The following RBFOX1 variants were observed in gnomAD, a reference collection of about 807,000 sequenced individuals.
RBFOX1 encodes RNA binding fox-1 homolog 1.
A neutral mutation model predicts 57.7 loss-of-function variants in RBFOX1; 8 were observed. The observed-to-expected ratio is 0.14, with a 90% CI of 0.08 to 0.25. RBFOX1 has a LOEUF of 0.25. Among genes scored for constraint, RBFOX1 ranks in the 10% least tolerant of loss-of-function variants. The pLI is 1.00. For missense variants in RBFOX1, 611 were observed against 548.5 expected (o/e 1.11, Z -1.14); for synonymous variants, 326 against 222.4 (o/e 1.47, Z -4.15).
At chr16:6,706,353 A>G (rs1423895414) in intron 3 of RBFOX1, among the ~76,000 whole-genome samples, 1 of 152,174 alleles carries the variant, frequency 6.6e-6, no homozygotes, top group Admixed American at 6.6e-5. Context: ...AATGTGCAAA[A>G]CTGTTATGCA....
At chr16:5,427,951 C>T (rs148943280) in intron 1 of RBFOX1, among the ~76,000 whole-genome samples, 171 of 152,304 alleles carry the variant, frequency 1.1e-3, no homozygotes, top group East Asian at 7.0e-3. Flanking sequence ...AGTCAGCACC[C>T]GCTGGAAACT....
chr16:7,188,922 T>G (rs75688753), intron 4 of RBFOX1, among the ~76,000 whole-genome samples: 1 of 152,070 alleles, frequency 6.6e-6, no homozygotes, highest in African/African-American at 2.4e-5. Flanking sequence ...GGAAAGTTCT[T>G]TGACACCATG....
intron 4 of RBFOX1, among the ~76,000 whole-genome samples, chr16:5,972,767 C>G (rs729532): frequency 0.4 from 60,482 of 152,034 alleles, 12,437 homozygotes; most frequent in African/African-American, 0.51. Flanking sequence ...CCTCTCCACT[C>G]CAGAGAATCT....
At chr16:6,874,433 C>G (rs575200954) in intron 3 of RBFOX1, among the ~76,000 whole-genome samples, 2 of 143,690 alleles carry the variant, frequency 1.4e-5, no homozygotes, top group Admixed American at 1.5e-4. Context: ...CTGCTTGAAT[C>G]CAGGAGATGG....
At chr16:7,115,228 A>G (rs1360042465) in intron 4 of RBFOX1, among the ~76,000 whole-genome samples, 1 of 152,196 alleles carries the variant, frequency 6.6e-6, no homozygotes, top group African/African-American at 2.4e-5. Flanking sequence ...TAAGGGGTGG[A>G]CATTCCCATG....
At chr16:7,174,956 T>C (rs2081368270) in intron 4 of RBFOX1, among the ~76,000 whole-genome samples, 1 of 152,252 alleles carries the variant, frequency 6.6e-6, no homozygotes, top group Non-Finnish European at 1.5e-5. Context: ...TATGTGGTGA[T>C]ATCTCATCAT....
intron 3 of RBFOX1, among the ~76,000 whole-genome samples, chr16:6,994,703 C>G (rs73534910): frequency 5.1e-4 from 78 of 152,306 alleles, no homozygotes; most frequent in African/African-American, 1.8e-3. Context: ...TGGTTGTATT[C>G]TGAAAGTCCT....
intron 2 of RBFOX1, among the ~76,000 whole-genome samples, chr16:6,368,456 C>T (rs1028355255): frequency 3.3e-5 from 5 of 152,186 alleles, no homozygotes; most frequent in East Asian, 3.8e-4. Context: ...TTACACGGAT[C>T]GTGCTGGTTC....
chr16:7,078,784 G>A (rs1057432115), intron 4 of RBFOX1, among the ~76,000 whole-genome samples: 3 of 145,602 alleles, frequency 2.1e-5, no homozygotes, highest in Admixed American at 6.9e-5. Context: ...CCGAGTTCAA[G>A]CGATTCTCCT....
At chr16:6,179,682 C>A (rs548560671) in intron 1 of RBFOX1, among the ~76,000 whole-genome samples, 2 of 152,160 alleles carry the variant, frequency 1.3e-5, no homozygotes, top group African/African-American at 2.4e-5. Flanking sequence ...CTTTCCCCAC[C>A]CTTTCCTATT....
chr16:6,143,710 A>G (rs1158730745), intron 1 of RBFOX1, among the ~76,000 whole-genome samples: 1 of 151,814 alleles, frequency 6.6e-6, no homozygotes, highest in Non-Finnish European at 1.5e-5. Context: ...GGTGGTGGTG[A>G]TGTGGGAAAG....
chr16:6,408,465 T>A (rs1427041334), intron 2 of RBFOX1, among the ~76,000 whole-genome samples: 1 of 152,162 alleles, frequency 6.6e-6, no homozygotes, highest in Non-Finnish European at 1.5e-5. Flanking sequence ...TTTATGCAGC[T>A]GGTGCTCAGC....
In RBFOX1 at chr16:5,414,152, T is replaced by C. The variant is rs77508413; in HGVS notation, c.220-53064T>C. On this transcript the variant is annotated intron_variant, in intron 1 of 2. Coordinates refer to the RBFOX1 transcript ENST00000585867. The stretch of plus-strand genomic sequence containing the variant: ...CCTGAACACACCGTGGTTCTAACAA[T>C]CATTGCGCCAAGGGAAAAACAAGGG... 6.8e-3 allele frequency among the ~76,000 whole-genome samples: 1,042 copies of C among 152,148 alleles called. 6 individuals carry two copies. Among genetic ancestry groups the C allele is most frequent in the Non-Finnish European group, 0.012 (794 of 68,008 alleles).
intron 3 of RBFOX1, among the ~76,000 whole-genome samples, chr16:7,001,695 G>C (rs2092822554): frequency 6.6e-6 from 1 of 152,090 alleles, no homozygotes; most frequent in Non-Finnish European, 1.5e-5. Context: ...GACCTGAAGT[G>C]ATCCATCCTC....
chr16:5,937,767 A>G (rs945939094), intron 4 of RBFOX1, among the ~76,000 whole-genome samples: 6 of 149,224 alleles, frequency 4.0e-5, no homozygotes, highest in Non-Finnish European at 7.4e-5. Flanking sequence ...ATACAAATAT[A>G]TGTATATAAT....
At chr16:7,282,326 C>G (rs2095561734) in intron 4 of RBFOX1, among the ~76,000 whole-genome samples, 1 of 152,168 alleles carries the variant, frequency 6.6e-6, no homozygotes, top group Non-Finnish European at 1.5e-5. Context: ...TTGTTCACCC[C>G]CAACTCATTG....
chr16:5,764,144 A>C (rs2053690614), intron 3 of RBFOX1, among the ~76,000 whole-genome samples: 1 of 85,566 alleles, frequency 1.2e-5, no homozygotes, highest in South Asian at 4.7e-4. Flanking sequence ...GCTGTGGGGC[A>C]GTAGGGTGTG....
chr16:6,634,722 T>TATATTTGTATTAAATATGTAAC (rs1353786716), intron 2 of RBFOX1, among the ~76,000 whole-genome samples: 1 of 138,934 alleles, frequency 7.2e-6, no homozygotes, highest in Non-Finnish European at 1.5e-5. Flanking sequence ...AAATATATAA[T>TATATTTGTATTAAATATGTAAC]ACAAAGATAT....
At chr16:5,573,071 G>A (rs7197808) in intron 2 of RBFOX1, among the ~76,000 whole-genome samples, 55,445 of 151,988 alleles carry the variant, frequency 0.36, 11,583 homozygotes, top group East Asian at 0.53. Context: ...GGCAGTTGTC[G>A]TAATGATGGT....
Sources: gnomAD v4.1 joint callset for allele counts (sites outside exome capture counted in the v4.1 genomes callset) on GRCh38, gnomAD v4.1.1 for gene constraint, MANE v1.5 for transcripts, NCBI Gene and HGNC (gene_info 2026-07-23, HGNC 2026-07-21) for gene names.